ABCA13: variants seen among roughly 807,000 people sequenced by gnomAD.
ABCA13 encodes the protein ATP binding cassette subfamily A member 13, also known as ATP-binding cassette sub-family A member 13.
In ABCA13, 476 loss-of-function variants were observed where a neutral mutation model predicts 478.7. The observed-to-expected ratio is 0.99, with a 90% confidence interval of 0.92 to 1.07. The LOEUF (loss-of-function observed/expected upper bound fraction) is 1.07. ABCA13 is among the 50% of genes least tolerant of loss of function. The pLI is 0.00. For synonymous variants in ABCA13, 2,252 were observed against 2,158.9 expected, an observed-to-expected ratio of 1.04 and a Z score of -1.20; for missense variants, 6,060 against 5,910.6, an observed-to-expected ratio of 1.03 and a Z score of -0.83.
intron 38 of ABCA13, among the ~76,000 whole-genome samples, chr7:48,401,802 A>G (rs1379401854): frequency 2.1e-5 from 3 of 145,486 alleles, no homozygotes. Context: ...TGTCCATAAA[A>G]TGTGTTTGTA....
At chr7:48,358,730 G>A (rs984533891) in intron 31 of ABCA13, among the ~76,000 whole-genome samples, 2 of 151,998 alleles carry the variant, frequency 1.3e-5, no homozygotes, top group African/African-American at 4.8e-5. Flanking sequence ...AATAAGGGGC[G>A]AAAAGGGAGA....
chr7:48,528,550 C>G (rs1170084415), intron 55 of ABCA13, among the ~76,000 whole-genome samples: 2 of 152,074 alleles, frequency 1.3e-5, no homozygotes, highest in African/African-American at 2.4e-5. Context: ...GAGTAAAGGG[C>G]CTTGGAGGTC....
intron 27 of ABCA13, among the ~76,000 whole-genome samples, chr7:48,331,524 T>C (rs1351585898): frequency 2.6e-5 from 4 of 152,352 alleles, no homozygotes; most frequent in South Asian, 2.1e-4. Flanking sequence ...CTGTGGTCAG[T>C]GGGCACCTCT....
intron 50 of ABCA13, among the ~76,000 whole-genome samples, chr7:48,510,580 A>G (rs1831584391): frequency 6.6e-6 from 1 of 152,170 alleles, no homozygotes; most frequent in South Asian, 2.1e-4. Flanking sequence ...CACCATAACA[A>G]AATACCACAG....
intron 55 of ABCA13, among the ~76,000 whole-genome samples, chr7:48,543,699 T>C (rs1342824261): frequency 6.6e-6 from 1 of 151,814 alleles, no homozygotes; most frequent in Admixed American, 6.6e-5. Flanking sequence ...AGTGAATGGT[T>C]AATAAACATT....
chr7:48,487,669 G>A (rs1829462163), intron 47 of ABCA13, among the ~76,000 whole-genome samples: 1 of 152,206 alleles, frequency 6.6e-6, no homozygotes, highest in South Asian at 2.1e-4. Flanking sequence ...AGGCTAGTGG[G>A]AGGTTCCACT....
At chr7:48,200,059 A>G (rs1005362063) in intron 3 of ABCA13, among the ~76,000 whole-genome samples, 1 of 152,238 alleles carries the variant, frequency 6.6e-6, no homozygotes, top group African/African-American at 2.4e-5. Flanking sequence ...TACGGCTGTA[A>G]CAATTATAAA....
intron 27 of ABCA13, among the ~76,000 whole-genome samples, chr7:48,320,274 G>T (rs1803249626): frequency 6.6e-6 from 1 of 152,162 alleles, no homozygotes; most frequent in Non-Finnish European, 1.5e-5. Context: ...AAATATATTC[G>T]TTAAAGTCAA....
intron 54 of ABCA13, among the ~76,000 whole-genome samples, chr7:48,524,690 G>C (rs1380858876): frequency 2.0e-5 from 3 of 152,274 alleles, no homozygotes; most frequent in Non-Finnish European, 4.4e-5. Context: ...TGATTGCATA[G>C]TTTTAATTAT....
At chr7:48,426,938 G>GAC (rs143866179) in intron 41 of ABCA13, among the ~76,000 whole-genome samples, 132,529 of 152,108 alleles carry the variant, frequency 0.87, 57,983 homozygotes, top group African/African-American at 0.95. Context: ...TATGCCTGCA[G>GAC]ACAGAGCCGG....
intron 55 of ABCA13, among the ~76,000 whole-genome samples, chr7:48,542,253 C>T (rs761300452): frequency 6.6e-6 from 1 of 151,642 alleles, no homozygotes; most frequent in African/African-American, 2.4e-5. Flanking sequence ...ATGAGTTTCA[C>T]GTCATCAACA....
chr7:48,515,426 G>A (rs991254220), intron 51 of ABCA13, among the ~76,000 whole-genome samples: 4 of 152,166 alleles, frequency 2.6e-5, no homozygotes, highest in African/African-American at 7.2e-5. Context: ...TTGAGGAGAC[G>A]GAATGAAGAA....
At chr7:48,250,483 G>A (rs1054634494) in intron 15 of ABCA13, among the ~76,000 whole-genome samples, 3 of 152,078 alleles carry the variant, frequency 2.0e-5, no homozygotes, top group South Asian at 2.1e-4. Context: ...GCTATCCAGC[G>A]CCTCTAGTCA....
intron 28 of ABCA13, 35 bp from the exon 29 acceptor site, chr7:48,338,330 A>G (rs1179413513): frequency 1.4e-6 from 2 of 1,408,802 alleles, no homozygotes; most frequent in Non-Finnish European, 9.7e-7. Flanking sequence ...GAAATAATGC[A>G]ATTATTTTTA....
chr7:48,198,353 C>T lies in ABCA13; in HGVS notation c.280C>T (p.His94Tyr). 6.2e-7 allele frequency: 1 copy of T among 1,613,460 alleles called. No individual in the cohort carries two copies. The highest frequency in any genetic ancestry group is 1.3e-5 in the African/African-American group (1 of 75,044). ...NFSYEGSMEH[H>Y]FRLSRFQTAA... ...CAGCTATGAAGGGTCAATGGAGCAT[C>T]ATTTTCGGTAAGAGAAACACAAAGA... The change falls in exon 3 of 62, where the codon CAT (histidine) becomes TAT (tyrosine). Residue 94 changes from histidine to tyrosine, a missense_variant. Physicochemically the swap from His to Tyr is moderately conservative, Grantham distance 83. Transcript: ENST00000435803.
chr7:48,567,466 G>A (rs528507221), intron 55 of ABCA13, among the ~76,000 whole-genome samples: 1 of 152,052 alleles, frequency 6.6e-6, no homozygotes, highest in South Asian at 2.1e-4. Flanking sequence ...ATTGAGATTG[G>A]GGAGTAGTTG....
At chr7:48,511,782 C>T (rs746852880) in intron 51 of ABCA13, among the ~76,000 whole-genome samples, 1 of 151,976 alleles carries the variant, frequency 6.6e-6, no homozygotes, top group Non-Finnish European at 1.5e-5. Flanking sequence ...TTGTCATGCA[C>T]GTATGCTTAT....
At chr7:48,257,067 G>A (rs1383137354) in intron 15 of ABCA13, among the ~76,000 whole-genome samples, 2 of 151,848 alleles carry the variant, frequency 1.3e-5, no homozygotes, top group Non-Finnish European at 2.9e-5. Flanking sequence ...TCTTTTTGTG[G>A]CTATTGTGAA....
intron 45 of ABCA13, among the ~76,000 whole-genome samples, chr7:48,479,084 A>G (rs903147286): frequency 6.7e-6 from 1 of 149,822 alleles, no homozygotes; most frequent in African/African-American, 2.5e-5. Flanking sequence ...AGTAGCTGGG[A>G]CTACAGGTGG....
Sources: allele counts gnomAD v4.1 joint callset (sites outside exome capture counted in the v4.1 genomes callset), GRCh38; gene constraint gnomAD v4.1.1; transcripts MANE v1.5; gene names NCBI Gene and HGNC (gene_info 2026-07-23, HGNC 2026-07-21).